The following ZFAT variants were observed in gnomAD, a reference collection of about 807,000 sequenced individuals.
ZFAT encodes the protein zinc finger protein ZFAT.
In ZFAT, 64 loss-of-function variants were observed where a neutral mutation model predicts 117.7. That is an observed-to-expected ratio of 0.54 (90% CI 0.44 to 0.67). The LOEUF (loss-of-function observed/expected upper bound fraction) is 0.67, where lower values mean the gene tolerates loss of function less well. ZFAT is among the 30% of genes least tolerant of loss of function. The probability of loss-of-function intolerance (pLI) is 0.00; values close to 1 mark genes in which losing one functional copy is unlikely to be tolerated. For synonymous variants in ZFAT, 679 were observed against 615.0 expected, an observed-to-expected ratio of 1.10 and a Z score of -1.54; for missense variants, 1,433 against 1,584.5, an observed-to-expected ratio of 0.90 and a Z score of 1.62.
the ZFAT span, among the ~76,000 whole-genome samples, chr8:134,776,046 G>A: frequency 6.6e-6 from 1 of 152,154 alleles, no homozygotes; most frequent in African/African-American, 2.4e-5. Context: ...CTTGAATAAA[G>A]CATTATGGTA....
chr8:134,588,449 A>T (rs1366810878), intron 8 of ZFAT, 54 bp from the exon 9 acceptor site: 21 of 1,509,068 alleles, frequency 1.4e-5, no homozygotes, highest in Non-Finnish European at 1.8e-5. Context: ...GGGAAGTTAG[A>T]CATAAATAAA....
chr8:134,736,939 T>C, the ZFAT span, among the ~76,000 whole-genome samples: 1 of 152,178 alleles, frequency 6.6e-6, no homozygotes, highest in African/African-American at 2.4e-5. Flanking sequence ...TAGGCTTTCA[T>C]TTAAAGAAAA....
chr8:134,511,934 C>T (rs1819878534), intron 14 of ZFAT, among the ~76,000 whole-genome samples: 1 of 152,174 alleles, frequency 6.6e-6, no homozygotes, highest in Admixed American at 6.5e-5. Context: ...CTCTGCTACT[C>T]TCTACCACCC....
At chr8:134,540,361 G>A (rs918894769) in intron 11 of ZFAT, among the ~76,000 whole-genome samples, 3 of 152,184 alleles carry the variant, frequency 2.0e-5, no homozygotes, top group African/African-American at 7.2e-5. Flanking sequence ...TCTCTTAAAT[G>A]TTCTCTTTTA....
In ZFAT at chr8:134,485,106, G is replaced by A. The variant is rs556590156; in HGVS notation, c.3493-6385C>T. Reference sequence around the variant, plus strand: ...CGTGTATTAGGTACTTAGTCTTCACGGCACCCTAAGAAGTCTTAGTGTCCT... The same window carrying A: ...CGTGTATTAGGTACTTAGTCTTCACAGCACCCTAAGAAGTCTTAGTGTCCT... On this transcript the variant is annotated intron_variant, in intron 15 of 15. Coordinates refer to ENST00000377838, the MANE Select transcript of ZFAT (RefSeq NM_020863.4). Among the ~76,000 whole-genome samples, 7 of 152,296 alleles carry A rather than the reference G, an allele frequency of 4.6e-5. No homozygotes were observed. The East Asian group carries it at 9.7e-4, about 21-fold the overall frequency.
intron 1 of ZFAT, among the ~76,000 whole-genome samples, chr8:134,672,004 AT>A (rs1832584295): frequency 1.4e-5 from 2 of 146,462 alleles, no homozygotes; most frequent in African/African-American, 5.0e-5. Context: ...CCCATTCACA[AT>A]TGCTTCAAAG....
At chr8:134,594,113 T>C (rs1439625120) in intron 7 of ZFAT, among the ~76,000 whole-genome samples, 1 of 152,238 alleles carries the variant, frequency 6.6e-6, no homozygotes, top group Non-Finnish European at 1.5e-5. Flanking sequence ...CCTTTCAATT[T>C]AGAATCTCAG....
chr8:134,498,279 C>T (rs533016631), intron 15 of ZFAT, among the ~76,000 whole-genome samples: 29 of 149,142 alleles, frequency 1.9e-4, no homozygotes, highest in African/African-American at 7.0e-4. Context: ...AGCCGTGATG[C>T]CCCTGCTGCT....
At chr8:134,697,437 G>A (rs948845241) in intron 1 of ZFAT, among the ~76,000 whole-genome samples, 2 of 149,710 alleles carry the variant, frequency 1.3e-5, no homozygotes, top group Non-Finnish European at 3.0e-5. Context: ...GTAGAGAAGG[G>A]GTTTCACCAG....
chr8:134,719,746 C>T, the ZFAT span, among the ~76,000 whole-genome samples: 1 of 152,216 alleles, frequency 6.6e-6, no homozygotes, highest in Non-Finnish European at 1.5e-5. Context: ...TGTGAATGTG[C>T]AGAGGGGAAG....
chr8:134,663,200 G>A (rs761621898), intron 1 of ZFAT, among the ~76,000 whole-genome samples: 16 of 152,332 alleles, frequency 1.1e-4, no homozygotes, highest in African/African-American at 2.6e-4. Flanking sequence ...AGAAGCAACC[G>A]AAGTGCTCAG....
intron 5 of ZFAT, among the ~76,000 whole-genome samples, chr8:134,606,416 A>C (rs1827891280): frequency 1.3e-5 from 2 of 152,240 alleles, no homozygotes; most frequent in Admixed American, 1.3e-4. Context: ...TAATGTGATT[A>C]AGTTTTAAAA....
intron 1 of ZFAT, among the ~76,000 whole-genome samples, chr8:134,709,940 T>C (rs1813927862): frequency 6.6e-6 from 1 of 152,200 alleles, no homozygotes; most frequent in South Asian, 2.1e-4. Flanking sequence ...TCCACCTCCT[T>C]ATCATTCATT....
At chr8:134,614,772 G>A (rs1368129865) in intron 3 of ZFAT, among the ~76,000 whole-genome samples, 1 of 152,152 alleles carries the variant, frequency 6.6e-6, no homozygotes, top group Non-Finnish European at 1.5e-5. Context: ...AGGAAAGGGT[G>A]TTTTTCAGAC....
At chr8:134,684,307 A>G (rs1833211185) in intron 1 of ZFAT, among the ~76,000 whole-genome samples, 1 of 152,232 alleles carries the variant, frequency 6.6e-6, no homozygotes, top group Non-Finnish European at 1.5e-5. Flanking sequence ...CACAACAGGA[A>G]TTACATGTGT....
chr8:134,741,460 C>T, the ZFAT span, among the ~76,000 whole-genome samples: 14 of 152,196 alleles, frequency 9.2e-5, no homozygotes, highest in African/African-American at 3.4e-4. Flanking sequence ...TTTTTCTTGG[C>T]TCTCATGACA....
chr8:134,521,223 A>G (rs1820630448), intron 12 of ZFAT, among the ~76,000 whole-genome samples: 1 of 152,236 alleles, frequency 6.6e-6, no homozygotes, highest in Admixed American at 6.5e-5. Context: ...TATTTGTTGA[A>G]TAAGCTTTTG....
At chr8:134,551,346 T>TA (rs1054563816) in intron 11 of ZFAT, among the ~76,000 whole-genome samples, 1 of 152,194 alleles carries the variant, frequency 6.6e-6, no homozygotes, top group African/African-American at 2.4e-5. Flanking sequence ...GGTAGAGTTT[T>TA]TCAGGGCAAA....
chr8:134,568,712 G>A (rs981938975), intron 10 of ZFAT, among the ~76,000 whole-genome samples: 2 of 152,208 alleles, frequency 1.3e-5, no homozygotes, highest in African/African-American at 4.8e-5. Context: ...CCTTACTGAA[G>A]CATCAGAGCC....
Sources: allele counts gnomAD v4.1 joint callset (sites outside exome capture counted in the v4.1 genomes callset), GRCh38; gene constraint gnomAD v4.1.1; transcripts MANE v1.5; gene names NCBI Gene and HGNC (gene_info 2026-07-23, HGNC 2026-07-21).